ADGRV1: variants seen among roughly 807,000 people sequenced by gnomAD.
ADGRV1 encodes the protein adhesion G protein-coupled receptor V1, also known as G-protein coupled receptor 98.
A neutral mutation model predicts 596.2 loss-of-function variants in ADGRV1; 359 were observed. The ratio of observed to expected loss-of-function variants is 0.60; its 90% CI spans 0.55 to 0.66. ADGRV1 has a LOEUF of 0.66. Among genes scored for constraint, ADGRV1 ranks in the 30% least tolerant of loss-of-function variants. The pLI is 0.00. For synonymous variants in ADGRV1, 2,681 were observed against 2,679.2 expected (o/e 1.00, Z -0.02); for missense variants, 7,274 against 7,575.6 (o/e 0.96, Z 1.48).
intron 1 of ADGRV1, among the ~76,000 whole-genome samples, chr5:90,601,716 ATAGATG>A (rs1761431380): frequency 6.6e-6 from 1 of 152,248 alleles, no homozygotes; most frequent in Non-Finnish European, 1.5e-5. Context: ...CTCTAAGGGC[ATAGATG>A]CTAGGCTCTG....
In ADGRV1 at chr5:90,753,824, C is replaced by T. The variant is rs1755534590; in HGVS notation, c.11372C>T (p.Pro3791Leu). 1.3e-6 allele frequency: 2 copies of T among 1,599,198 alleles called. No individual in the cohort carries two copies. Among genetic ancestry groups the T allele is most frequent in the Non-Finnish European group, 1.7e-6 (2 of 1,171,892 alleles). The change falls in exon 54 of 90, where the codon CCT becomes CTT. Residue 3791 changes from proline to leucine, a missense_variant. Transcript: ENST00000405460. ...TCTGTCTTCATTAGAGTAGCAGAGC[C>T]TAAAGGTAAATATTGTTAAATATCT... ...AASVFIRVAE[P>L]KENTTTLQLQ...
chr5:90,807,849 T>G, intron 73 of ADGRV1, 112 bp downstream of exon 73: 1 of 978,574 alleles, frequency 1.0e-6, no homozygotes, highest in Non-Finnish European at 1.4e-6. Context: ...AACACAAACA[T>G]AGTTTTAGTG....
At chr5:90,979,068 A>G (rs961012252) in intron 84 of ADGRV1, among the ~76,000 whole-genome samples, 5 of 152,180 alleles carry the variant, frequency 3.3e-5, no homozygotes, top group Non-Finnish European at 7.3e-5. Flanking sequence ...TTCTACAAGT[A>G]AAACATATCT....
Position 90,750,670 on chromosome 5 carries a change from T to C in ADGRV1, c.11094T>C (p.Ile3698=). Residue 3698 remains isoleucine (I), a synonymous_variant, in exon 53 of 90, where the codon ATT becomes ATC. Coordinates refer to ENST00000405460, the MANE Select transcript of ADGRV1 (RefSeq NM_032119.4). ...ITIAWEADGS[I]SDIFPTSGVI... is the part of the protein sequence containing the mutation. ...TAGCATGGGAAGCTGATGGAAGTATTAGTGATATATTTCCTACCTCAGGAG... is the reference window on the plus strand; with the variant it reads ...TAGCATGGGAAGCTGATGGAAGTATCAGTGATATATTTCCTACCTCAGGAG... The C allele has an allele frequency of 6.2e-7, 1 of 1,611,874 alleles. No individual in the cohort carries two copies. Among genetic ancestry groups the C allele is most frequent in the Non-Finnish European group, 8.5e-7 (1 of 1,178,108 alleles).
At chr5:90,881,776 G>C (rs1216305054) in intron 83 of ADGRV1, among the ~76,000 whole-genome samples, 1 of 152,182 alleles carries the variant, frequency 6.6e-6, no homozygotes, top group Admixed American at 6.5e-5. Context: ...TCAGGCTGGA[G>C]TGCAGTGGTA....
At chr5:90,858,708 A>G (rs1260795571) in intron 82 of ADGRV1, among the ~76,000 whole-genome samples, 1 of 152,190 alleles carries the variant, frequency 6.6e-6, no homozygotes, top group Non-Finnish European at 1.5e-5. Context: ...ACTCAAAGAT[A>G]TCTTAAACAA....
At chr5:90,831,672 A>G (rs1764542861) in intron 77 of ADGRV1, among the ~76,000 whole-genome samples, 1 of 151,868 alleles carries the variant, frequency 6.6e-6, no homozygotes, top group Non-Finnish European at 1.5e-5. Flanking sequence ...CATTCTGACT[A>G]TTTTTTGTAC....
intron 84 of ADGRV1, among the ~76,000 whole-genome samples, chr5:90,984,860 G>C (rs549152755): frequency 6.6e-6 from 1 of 152,158 alleles, no homozygotes; most frequent in Non-Finnish European, 1.5e-5. Context: ...CTGAGATCAA[G>C]GTTGTCTTCA....
At chr5:90,712,468 T>G (rs890735771) in intron 42 of ADGRV1, 40 bp downstream of exon 42, 7 of 1,468,154 alleles carry the variant, frequency 4.8e-6, no homozygotes, top group Non-Finnish European at 5.6e-6. Flanking sequence ...CTCTCCTTCA[T>G]GCTGGGTTCC....
intron 84 of ADGRV1, among the ~76,000 whole-genome samples, chr5:90,968,656 T>G (rs1190564489): frequency 1.3e-5 from 2 of 152,224 alleles, no homozygotes; most frequent in Non-Finnish European, 2.9e-5. Context: ...TGATCAGAGG[T>G]TGCACTTCAC....
intron 86 of ADGRV1, among the ~76,000 whole-genome samples, chr5:91,083,118 A>G (rs1369210456): frequency 6.6e-6 from 1 of 152,150 alleles, no homozygotes; most frequent in Admixed American, 6.5e-5. Context: ...GTTAGCCATC[A>G]TTCTCAGCAA....
intron 83 of ADGRV1, among the ~76,000 whole-genome samples, chr5:90,924,730 T>C (rs1396544889): frequency 2.0e-5 from 3 of 152,206 alleles, no homozygotes; most frequent in East Asian, 1.9e-4. Context: ...TGAATGGTAA[T>C]GCCTAGGTTT....
intron 21 of ADGRV1, among the ~76,000 whole-genome samples, chr5:90,662,783 C>T (rs1315040359): frequency 4.6e-5 from 7 of 151,928 alleles, no homozygotes; most frequent in African/African-American, 1.7e-4. Context: ...CACAACAGTC[C>T]CCAGAGTGTG....
intron 86 of ADGRV1, among the ~76,000 whole-genome samples, chr5:91,090,616 T>A (rs1790303446): frequency 6.6e-6 from 1 of 151,826 alleles, no homozygotes; most frequent in South Asian, 2.1e-4. Context: ...GATTCACTTC[T>A]CTGCCTGCAG....
intron 83 of ADGRV1, among the ~76,000 whole-genome samples, chr5:90,869,101 T>C (rs1019422243): frequency 7.2e-5 from 11 of 152,050 alleles, no homozygotes; most frequent in Admixed American, 7.2e-4. Context: ...ACCAAGTATA[T>C]ACAGAGAAAA....
Position 90,745,132 on chromosome 5 carries a change from C to T in ADGRV1, c.10636C>T (p.Pro3546Ser). The T allele has an allele frequency of 1.2e-6, 2 of 1,613,622 alleles. No homozygotes were observed. The highest frequency in any genetic ancestry group is 1.7e-6 in the Non-Finnish European group (2 of 1,179,702). The change falls in exon 51 of 90, where the codon CCT becomes TCT. Residue 3546 changes from proline (P) to serine (S), a missense_variant. Coordinates refer to ENST00000405460, the MANE Select transcript of ADGRV1 (RefSeq NM_032119.4). ...TCAATTCTCTTTTGTTCTGGAAGTACCTTCTGCTTATGATGTGGCTTCTGT... is the reference window on the plus strand; with the variant it reads ...TCAATTCTCTTTTGTTCTGGAAGTATCTTCTGCTTATGATGTGGCTTCTGT... The part of the protein sequence containing the change: ...RNQFSFVLEV[P>S]SAYDVASVTV...
chr5:90,638,883 G>T (rs779573277), intron 11 of ADGRV1, among the ~76,000 whole-genome samples: 6 of 152,098 alleles, frequency 3.9e-5, no homozygotes, highest in Admixed American at 6.6e-5. Context: ...AATCTGATGG[G>T]TAACTGATTT....
chr5:91,008,470 T>A (rs1443820202), intron 85 of ADGRV1, among the ~76,000 whole-genome samples: 1 of 152,146 alleles, frequency 6.6e-6, no homozygotes, highest in Non-Finnish European at 1.5e-5. Context: ...CCTTTGCTTT[T>A]AATCTACTTA....
intron 87 of ADGRV1, among the ~76,000 whole-genome samples, chr5:91,111,874 C>G (rs1019864104): frequency 4.6e-5 from 7 of 152,136 alleles, no homozygotes; most frequent in Non-Finnish European, 5.9e-5. Flanking sequence ...TAATGAATGC[C>G]TCATGCACCT....
Sources: gnomAD v4.1 joint callset for allele counts (sites outside exome capture counted in the v4.1 genomes callset) on GRCh38, gnomAD v4.1.1 for gene constraint, MANE v1.5 for transcripts, NCBI Gene and HGNC (gene_info 2026-07-23, HGNC 2026-07-21) for gene names.